The following R3HDM2 variants were observed in gnomAD, a reference collection of about 807,000 sequenced individuals.
R3HDM2 encodes the protein R3H domain-containing protein 2.
R3HDM2 carries 38 observed loss-of-function variants against 124.5 expected under a neutral mutation model. That is an observed-to-expected ratio of 0.31 (90% CI 0.24 to 0.40). The LOEUF (loss-of-function observed/expected upper bound fraction) is 0.40, where lower values mean the gene tolerates loss of function less well. Ranked by LOEUF, R3HDM2 falls within the 10% of genes least tolerant of loss-of-function variation. The pLI, the probability that R3HDM2 is intolerant of heterozygous loss-of-function variation, is 1.00. For missense variants in R3HDM2, 869 were observed against 1,236.9 expected, an observed-to-expected ratio of 0.70 and a Z score of 4.46; for synonymous variants, 391 against 448.0, an observed-to-expected ratio of 0.87 and a Z score of 1.61.
chr12:57,374,479 C>G (rs538819452), intron 2 of R3HDM2, among the ~76,000 whole-genome samples: 1 of 148,404 alleles, frequency 6.7e-6, no homozygotes, highest in African/African-American at 2.5e-5. Flanking sequence ...GTCAGGAGTT[C>G]GAGACCAGCC....
intron 2 of R3HDM2, among the ~76,000 whole-genome samples, chr12:57,384,373 A>G (rs1338789840): frequency 1.3e-5 from 2 of 151,510 alleles, no homozygotes; most frequent in African/African-American, 2.4e-5. Flanking sequence ...AAAAGAAAAG[A>G]AAAGTAGGGA....
intron 12 of R3HDM2, 43 bp from the exon 13 acceptor site, chr12:57,284,099 T>G (rs1391719073): frequency 1.3e-6 from 2 of 1,492,358 alleles, no homozygotes; most frequent in Non-Finnish European, 9.2e-7. Flanking sequence ...ACCCACCACT[T>G]TAGCAGAAGG....
chr12:57,258,322 A>G (rs902020607), intron 20 of R3HDM2, among the ~76,000 whole-genome samples, 185 bp from the exon 21 acceptor site: 3 of 130,650 alleles, frequency 2.3e-5, no homozygotes, highest in African/African-American at 4.1e-5. Flanking sequence ...TTATTTATTT[A>G]TTTATTTATT....
At chr12:57,405,451 T>C (rs925607680) in intron 1 of R3HDM2, among the ~76,000 whole-genome samples, 1 of 152,040 alleles carries the variant, frequency 6.6e-6, no homozygotes, top group Non-Finnish European at 1.5e-5. Flanking sequence ...CTGGGCAACA[T>C]AGTGAGACCT....
chr12:57,354,857 C>T (rs2137351040), intron 2 of R3HDM2, among the ~76,000 whole-genome samples: 2 of 152,044 alleles, frequency 1.3e-5, no homozygotes, highest in East Asian at 3.9e-4. Flanking sequence ...CAGGGTCTTG[C>T]TCTATTTCCC....
At chr12:57,421,276 C>T (rs2070164569) in intron 1 of R3HDM2, among the ~76,000 whole-genome samples, 2 of 147,884 alleles carry the variant, frequency 1.4e-5, no homozygotes, top group African/African-American at 2.5e-5. Context: ...CTCAGCCTCC[C>T]GAGTAGCTGG....
intron 2 of R3HDM2, among the ~76,000 whole-genome samples, chr12:57,377,122 G>GAA (rs35453025): frequency 8.7e-4 from 114 of 131,706 alleles, no homozygotes; most frequent in South Asian, 2.1e-3. Context: ...CTTGGTCTCA[G>GAA]AAAAAAAAAA....
chr12:57,398,290 T>C (rs1202605834), intron 1 of R3HDM2, among the ~76,000 whole-genome samples: 2 of 152,156 alleles, frequency 1.3e-5, no homozygotes, highest in African/African-American at 4.8e-5. Flanking sequence ...GTCTGACACA[T>C]GATAAGCACT....
chr12:57,372,349 G>A (rs1005463133), intron 2 of R3HDM2, among the ~76,000 whole-genome samples: 14 of 152,128 alleles, frequency 9.2e-5, no homozygotes, highest in African/African-American at 4.8e-5. Context: ...AAGAACTGCC[G>A]CAATACAGAG....
Position 57,369,287 on chromosome 12 carries a change from G to A in R3HDM2, c.-36+26462C>T, listed in dbSNP as rs1301329646. ...TTGTGAAAAGTGTCATAGGAATTTG[G>A]AAAATGAGGTTAACAGCTCTGCAGA... On this transcript the variant is annotated intron_variant, in intron 2 of 23. Coordinates refer to ENST00000402412, the MANE Select transcript of R3HDM2 (RefSeq NM_001394031.1). Among the ~76,000 whole-genome samples the A allele has an allele frequency of 3.3e-5, 5 of 152,270 alleles. No individual in the cohort carries two copies. In the East Asian group the frequency reaches 9.6e-4, roughly 29 times the overall value.
intron 2 of R3HDM2, among the ~76,000 whole-genome samples, chr12:57,325,949 G>A (rs1341941891): frequency 1.3e-5 from 2 of 151,882 alleles, no homozygotes; most frequent in Admixed American, 1.3e-4. Context: ...TTCATGTTCT[G>A]TGTCACATTT....
chr12:57,352,872 C>G (rs987632471), intron 2 of R3HDM2, among the ~76,000 whole-genome samples: 14 of 151,870 alleles, frequency 9.2e-5, no homozygotes, highest in Non-Finnish European at 1.9e-4. Flanking sequence ...TGTACATGAC[C>G]CAAAACTTGA....
At chr12:57,356,196 G>A (rs904232226) in intron 2 of R3HDM2, among the ~76,000 whole-genome samples, 1 of 151,918 alleles carries the variant, frequency 6.6e-6, no homozygotes, top group Non-Finnish European at 1.5e-5. Flanking sequence ...TATTAGCTGT[G>A]GGTTTTTCAT....
chr12:57,379,368 T>C (rs2064532090), intron 2 of R3HDM2, among the ~76,000 whole-genome samples: 1 of 151,874 alleles, frequency 6.6e-6, no homozygotes, highest in African/African-American at 2.4e-5. Flanking sequence ...ATCACCTGAG[T>C]TCAGAAGTTT....
At chr12:57,357,511 C>A (rs2061431451) in intron 2 of R3HDM2, among the ~76,000 whole-genome samples, 1 of 151,866 alleles carries the variant, frequency 6.6e-6, no homozygotes, top group Admixed American at 6.6e-5. Context: ...CCTGGAAAAT[C>A]ATCAGTGATG....
chr12:57,257,541 T>G (rs1317478387), intron 21 of R3HDM2, among the ~76,000 whole-genome samples: 2 of 152,242 alleles, frequency 1.3e-5, no homozygotes, highest in Non-Finnish European at 2.9e-5. Context: ...AAGTGAGGTC[T>G]ACTTCTGAGT....
chr12:57,429,707 T>C (rs1223731726), intron 1 of R3HDM2, among the ~76,000 whole-genome samples: 1 of 129,452 alleles, frequency 7.7e-6, no homozygotes, highest in African/African-American at 3.0e-5. Flanking sequence ...ACTGAGACCC[T>C]GTCTCAAAAA....
intron 2 of R3HDM2, among the ~76,000 whole-genome samples, chr12:57,386,531 C>T (rs1202010665): frequency 1.3e-5 from 2 of 152,214 alleles, no homozygotes; most frequent in Admixed American, 6.5e-5. Context: ...ACCTGCAGCC[C>T]GCCATGCCTG....
chr12:57,296,930 C>A lies in R3HDM2; in HGVS notation c.561-379G>T. The A allele has an allele frequency of 4.6e-6, 1 of 217,838 alleles. No homozygotes were observed. 13.5% of individuals were successfully genotyped at this position (217,838 alleles called of 1,614,324 possible). ...AATACAAAAATTAGCTAGGCATGTG[C>A]CTGTCATCCCAGCTACTCAATGGCT... On this transcript the variant is annotated intron_variant, in intron 8 of 23. Coordinates refer to ENST00000402412, the MANE Select transcript of R3HDM2 (RefSeq NM_001394031.1). The surrounding 1 kb of genome is among the most constrained non-coding windows in gnomAD (Gnocchi z 4.5).
Sources: allele counts gnomAD v4.1 joint callset (sites outside exome capture counted in the v4.1 genomes callset), GRCh38; gene constraint gnomAD v4.1.1; non-coding constraint Gnocchi (gnomAD v3.1); transcripts MANE v1.5; gene names NCBI Gene and HGNC (gene_info 2026-07-23, HGNC 2026-07-21).